Variants in TRHDE observed in about 807,000 individuals in gnomAD.
The protein encoded by TRHDE is thyrotropin-releasing hormone-degrading ectoenzyme.
In TRHDE, 72 loss-of-function variants were observed where a neutral mutation model predicts 125.7. That is an observed-to-expected ratio of 0.57 (90% CI 0.47 to 0.70). TRHDE has a LOEUF of 0.70. Among genes scored for constraint, TRHDE ranks in the 30% least tolerant of loss-of-function variants. The probability of loss-of-function intolerance (pLI) is 0.00; values close to 1 mark genes in which losing one functional copy is unlikely to be tolerated. For missense variants in TRHDE, 1,110 were observed against 1,327.1 expected, an observed-to-expected ratio of 0.84 and a Z score of 2.54; for synonymous variants, 509 against 509.1, an observed-to-expected ratio of 1.00 and a Z score of 0.00.
chr12:72,406,566 CTTAAG>C (rs1317594626), intron 3 of TRHDE, among the ~76,000 whole-genome samples: 1 of 152,040 alleles, frequency 6.6e-6, no homozygotes, highest in East Asian at 1.9e-4. Context: ...GAGAGATTCT[CTTAAG>C]TTTTGTTAAA....
chr12:72,118,094 T>C (rs1471221506), intron 2 of TRHDE, among the ~76,000 whole-genome samples: 2 of 152,116 alleles, frequency 1.3e-5, no homozygotes, highest in Non-Finnish European at 1.5e-5. Context: ...CTAGGACTTC[T>C]AGTACTATGT....
chr12:72,623,053 A>G (rs1261368633), intron 15 of TRHDE, among the ~76,000 whole-genome samples: 1 of 152,004 alleles, frequency 6.6e-6, no homozygotes, highest in East Asian at 1.9e-4. Context: ...GAACTATTTC[A>G]TTAGACCTGA....
At chr12:72,564,791 CG>C (rs1446949897) in intron 9 of TRHDE, among the ~76,000 whole-genome samples, 1 of 143,226 alleles carries the variant, frequency 7.0e-6, no homozygotes, top group Non-Finnish European at 1.5e-5. Flanking sequence ...CCTCAGCCTC[CG>C]GAGTAGCTGG....
chr12:72,456,201 G>A (rs1017018216), intron 3 of TRHDE, among the ~76,000 whole-genome samples: 1 of 147,336 alleles, frequency 6.8e-6, no homozygotes, highest in Non-Finnish European at 1.5e-5. Context: ...TTGGACATAT[G>A]TTCCTTGAGT....
intron 18 of TRHDE, among the ~76,000 whole-genome samples, chr12:72,660,005 G>A (rs1487746172): frequency 6.6e-6 from 1 of 151,756 alleles, no homozygotes; most frequent in Non-Finnish European, 1.5e-5. Flanking sequence ...AAATGGCTGG[G>A]CGTGCTGATG....
At chr12:72,162,814 T>G (rs930844455) in intron 2 of TRHDE, among the ~76,000 whole-genome samples, 1 of 151,980 alleles carries the variant, frequency 6.6e-6, no homozygotes, top group Admixed American at 6.6e-5. Flanking sequence ...TTATCTGAAA[T>G]GCTATTGAAG....
At chr12:72,153,046 A>G (rs528472909) in intron 2 of TRHDE, among the ~76,000 whole-genome samples, 20 of 152,070 alleles carry the variant, frequency 1.3e-4, no homozygotes, top group Non-Finnish European at 1.8e-4. Flanking sequence ...TTGGTTGGTA[A>G]GCAATTAATT....
At chr12:72,496,589 G>A (rs1011464688) in intron 5 of TRHDE, among the ~76,000 whole-genome samples, 1 of 152,132 alleles carries the variant, frequency 6.6e-6, no homozygotes, top group Non-Finnish European at 1.5e-5. Context: ...TATAATCGAA[G>A]GTGAGATTTG....
chr12:72,570,578 C>CAAAAAAAAAAAAA (rs572094533), intron 10 of TRHDE, among the ~76,000 whole-genome samples: 1 of 58,456 alleles, frequency 1.7e-5, no homozygotes, highest in Non-Finnish European at 4.8e-5. Flanking sequence ...GAGACTGTCT[C>CAAAAAAAAAAAAA]AAAAAAAAAA....
intron 6 of TRHDE, among the ~76,000 whole-genome samples, chr12:72,516,916 TC>T (rs1878895205): frequency 6.6e-6 from 1 of 152,198 alleles, no homozygotes; most frequent in African/African-American, 2.4e-5. Context: ...GTGGTTTTTG[TC>T]TTTGGTTCTG....
intron 3 of TRHDE, among the ~76,000 whole-genome samples, chr12:72,397,613 A>G (rs1299546379): frequency 6.6e-6 from 1 of 152,106 alleles, no homozygotes; most frequent in African/African-American, 2.4e-5. Context: ...TGCTTATTTG[A>G]ATGCATCACT....
At chr12:72,416,938 C>A (rs545047210) in intron 3 of TRHDE, among the ~76,000 whole-genome samples, 1 of 152,114 alleles carries the variant, frequency 6.6e-6, no homozygotes, top group African/African-American at 2.4e-5. Context: ...TGCACTGAAT[C>A]AGCAGATTGC....
At chr12:72,638,293 G>T (rs376564991) in intron 15 of TRHDE, among the ~76,000 whole-genome samples, 173 of 150,318 alleles carry the variant, frequency 1.2e-3, no homozygotes, top group African/African-American at 3.1e-3. Flanking sequence ...TTTGTTGGTT[G>T]AAAGTCTGTT....
intron 3 of TRHDE, among the ~76,000 whole-genome samples, chr12:72,466,156 C>T (rs912636777): frequency 9.2e-5 from 14 of 152,268 alleles, no homozygotes; most frequent in African/African-American, 3.1e-4. Context: ...CAATTGTTTC[C>T]ACACCATATC....
chr12:72,627,263 A>C (rs991459924), intron 15 of TRHDE, among the ~76,000 whole-genome samples: 1 of 151,884 alleles, frequency 6.6e-6, no homozygotes, highest in Non-Finnish European at 1.5e-5. Context: ...AAAATTTCAC[A>C]CTCACTCAAT....
chr12:72,335,758 A>G (rs571750183), intron 2 of TRHDE, among the ~76,000 whole-genome samples: 96 of 152,324 alleles, frequency 6.3e-4, no homozygotes, highest in Admixed American at 1.3e-3. Context: ...GTTGATTTAT[A>G]TCTCTGGTGA....
At chr12:72,532,205 A>G (rs1260311966) in intron 6 of TRHDE, among the ~76,000 whole-genome samples, 1 of 151,878 alleles carries the variant, frequency 6.6e-6, no homozygotes, top group African/African-American at 2.4e-5. Context: ...TGAGAATAAG[A>G]CTCAATAAAT....
intron 12 of TRHDE, chr12:72,611,025 C>T (rs1049457445): frequency 6.4e-6 from 1 of 155,622 alleles, no homozygotes; most frequent in Non-Finnish European, 1.4e-5. Flanking sequence ...GGCTGAGCAC[C>T]TGGAAGAGAA....
chr12:72,646,959 A>G (rs1420632400), intron 15 of TRHDE, among the ~76,000 whole-genome samples: 2 of 151,982 alleles, frequency 1.3e-5, no homozygotes, highest in African/African-American at 2.4e-5. Flanking sequence ...TTACAACACT[A>G]TAAACCAAAT....
Sources: gnomAD v4.1 joint callset for allele counts (sites outside exome capture counted in the v4.1 genomes callset) on GRCh38, gnomAD v4.1.1 for gene constraint, MANE v1.5 for transcripts, NCBI Gene and HGNC (gene_info 2026-07-23, HGNC 2026-07-21) for gene names.